MBNL2: variants seen among roughly 807,000 people sequenced by gnomAD.
The protein encoded by MBNL2 is muscleblind-like protein 2.
A neutral mutation model predicts 41.9 loss-of-function variants in MBNL2; 17 were observed. The ratio of observed to expected loss-of-function variants is 0.41; its 90% CI spans 0.28 to 0.61. MBNL2 has a LOEUF of 0.61. Among genes scored for constraint, MBNL2 ranks in the 20% least tolerant of loss-of-function variants. The pLI is 0.35. For missense variants in MBNL2, 336 were observed against 505.6 expected, an observed-to-expected ratio of 0.66 and a Z score of 3.22; for synonymous variants, 195 against 182.9, an observed-to-expected ratio of 1.07 and a Z score of -0.53.
At chr13:97,320,574 A>G (rs1188520586) in intron 2 of MBNL2, among the ~76,000 whole-genome samples, 4 of 151,372 alleles carry the variant, frequency 2.6e-5, no homozygotes, top group African/African-American at 9.7e-5. Flanking sequence ...TCTATTTTAG[A>G]CCTCTCTCAC....
At chr13:97,280,282 A>G (rs2053099212) in intron 2 of MBNL2, among the ~76,000 whole-genome samples, 1 of 152,196 alleles carries the variant, frequency 6.6e-6, no homozygotes, top group African/African-American at 2.4e-5. Context: ...GAACATCAAG[A>G]AGGGGGTGCA....
At chr13:97,155,291 T>G in the MBNL2 span, among the ~76,000 whole-genome samples, 35 of 152,192 alleles carry the variant, frequency 2.3e-4, no homozygotes, top group Admixed American at 1.1e-3. Flanking sequence ...TTAAATAATT[T>G]TTTTTAGTCC....
At chr13:97,286,677 C>A (rs1463212297) in intron 2 of MBNL2, among the ~76,000 whole-genome samples, 1 of 152,222 alleles carries the variant, frequency 6.6e-6, no homozygotes, top group Non-Finnish European at 1.5e-5. Flanking sequence ...CCCCAGCCCC[C>A]CACACTGTGC....
At chr13:97,206,763 A>G in the MBNL2 span, among the ~76,000 whole-genome samples, 84 of 152,302 alleles carry the variant, frequency 5.5e-4, no homozygotes, top group Admixed American at 1.3e-3. Flanking sequence ...AGTAACAATG[A>G]TAACAGTGTA....
chr13:97,339,456 C>T (rs576677624), intron 3 of MBNL2, among the ~76,000 whole-genome samples: 7 of 152,232 alleles, frequency 4.6e-5, no homozygotes, highest in Admixed American at 1.3e-4. Context: ...CGAATCTTGT[C>T]CTCTGGCCTT....
Position 97,366,866 on chromosome 13 carries a change from A to G in MBNL2, c.1048+1695A>G, listed in dbSNP as rs188677785. ...CCAGTGGTTTGTGAATGGCCACATA[A>G]AAATTGTAGACGCGCACCCATGGGT... is the stretch of plus-strand genomic sequence containing the variant. On this transcript the variant is annotated intron_variant, in intron 8 of 8. Transcript: ENST00000679496. The surrounding 1 kb of genome is among the most constrained non-coding windows in gnomAD (Gnocchi z 4.7). 3.9e-5 allele frequency among the ~76,000 whole-genome samples: 6 copies of G among 152,264 alleles called. No individual in the cohort carries two copies. Among genetic ancestry groups the G allele is most frequent in the African/African-American group, 1.4e-4 (6 of 41,536 alleles).
chr13:97,262,238 T>A (rs2048773612), intron 1 of MBNL2, among the ~76,000 whole-genome samples: 1 of 152,128 alleles, frequency 6.6e-6, no homozygotes, highest in Admixed American at 6.5e-5. Flanking sequence ...AGGCACTGAG[T>A]GCCTCCTTCC....
intron 1 of MBNL2, among the ~76,000 whole-genome samples, chr13:97,273,134 A>G (rs1415268918): frequency 6.6e-6 from 1 of 152,112 alleles, no homozygotes; most frequent in Admixed American, 6.5e-5. Flanking sequence ...AGCCCTTGGG[A>G]GAGACTCTGC....
At chr13:97,376,696 C>G (rs1332247263) in intron 8 of MBNL2, among the ~76,000 whole-genome samples, 1 of 152,132 alleles carries the variant, frequency 6.6e-6, no homozygotes. Flanking sequence ...CCCATTTTCC[C>G]CTGATCACAG....
At chr13:97,350,012 TC>T (rs1214438158) in intron 5 of MBNL2, among the ~76,000 whole-genome samples, 1 of 152,186 alleles carries the variant, frequency 6.6e-6, no homozygotes, top group African/African-American at 2.4e-5. Context: ...TCAGCCTGGG[TC>T]CCAGTGGCTA....
Position 97,391,464 on chromosome 13 carries a change from C to G in MBNL2, c.*15C>G, listed in dbSNP as rs772189751. On this transcript the variant is annotated 3_prime_UTR_variant, in exon 9 of 9. Coordinates refer to ENST00000679496, the MANE Select transcript of MBNL2 (RefSeq NM_001382683.1). ...CTGCATGCTAAATAAAGATGTAGTT[C>G]TTCTGGACAGACCACAACTCTAAGA... The G allele has an allele frequency of 2.2e-5, 22 of 1,012,368 alleles. No homozygotes were observed. In the South Asian group the frequency reaches 2.7e-4, roughly 12 times the overall value. The allele number at this position is 1,012,368 out of a possible 1,614,324, so 62.7% of individuals were successfully genotyped here. A position where few individuals can be genotyped will look rare whatever the true frequency, so the allele number is the denominator to read the frequency against.
intron 2 of MBNL2, among the ~76,000 whole-genome samples, chr13:97,295,682 T>C (rs1488550199): frequency 6.6e-6 from 1 of 152,178 alleles, no homozygotes; most frequent in African/African-American, 2.4e-5. Context: ...GTTTGATCCA[T>C]GCAGGAGATG....
At chr13:97,151,201 C>G in the MBNL2 span, among the ~76,000 whole-genome samples, 1 of 152,150 alleles carries the variant, frequency 6.6e-6, no homozygotes, top group Admixed American at 6.5e-5. Context: ...CTGAATTGCA[C>G]TTCAGAAACC....
chr13:97,336,045 T>A (rs2060853818), intron 3 of MBNL2, among the ~76,000 whole-genome samples: 1 of 152,240 alleles, frequency 6.6e-6, no homozygotes, highest in Non-Finnish European at 1.5e-5. Context: ...CCTATCTATT[T>A]AGAATTAATA....
the MBNL2 span, among the ~76,000 whole-genome samples, chr13:97,178,198 T>A: frequency 2.0e-5 from 3 of 152,152 alleles, no homozygotes; most frequent in African/African-American, 7.2e-5. Flanking sequence ...TAGGGTAGAT[T>A]TGAACAAGAG....
intron 1 of MBNL2, 50 bp downstream of exon 1, chr13:97,222,581 A>G (rs1392324249): frequency 5.3e-5 from 21 of 396,704 alleles, no homozygotes; most frequent in East Asian, 3.6e-5. Flanking sequence ...TTGCTGCAGT[A>G]TGCTGCATTC....
At chr13:97,245,802 A>G (rs1399805330) in intron 1 of MBNL2, among the ~76,000 whole-genome samples, 1 of 152,196 alleles carries the variant, frequency 6.6e-6, no homozygotes, top group Non-Finnish European at 1.5e-5. Flanking sequence ...ACTTTTTGAA[A>G]GAAAATACTT....
chr13:97,148,523 G>A, the MBNL2 span, among the ~76,000 whole-genome samples: 6 of 152,146 alleles, frequency 3.9e-5, no homozygotes, highest in Non-Finnish European at 7.3e-5. Context: ...TCTTTTGGGG[G>A]ATGCCAATAA....
chr13:97,250,833 G>A (rs144252424), intron 1 of MBNL2, among the ~76,000 whole-genome samples: 50 of 152,240 alleles, frequency 3.3e-4, no homozygotes, highest in African/African-American at 1.2e-3. Flanking sequence ...TAGCTCAGTG[G>A]TACAGCAGCT....
Sources: gnomAD v4.1 joint callset for allele counts (sites outside exome capture counted in the v4.1 genomes callset) on GRCh38, gnomAD v4.1.1 for gene constraint, Gnocchi (gnomAD v3.1) non-coding constraint, MANE v1.5 for transcripts, NCBI Gene and HGNC (gene_info 2026-07-23, HGNC 2026-07-21) for gene names.